The following CD247 variants were observed in gnomAD, a reference collection of about 807,000 sequenced individuals.
CD247 encodes the protein T-cell surface glycoprotein CD3 zeta chain.
Under a neutral mutation model 30.0 loss-of-function variants are expected in CD247, and 13 were observed. That is an observed-to-expected ratio of 0.43 (90% CI 0.28 to 0.69). The LOEUF (loss-of-function observed/expected upper bound fraction) is 0.69, where lower values mean the gene tolerates loss of function less well. Among genes scored for constraint, CD247 ranks in the 30% least tolerant of loss-of-function variants. The pLI is 0.16. For missense variants in CD247, 193 were observed against 212.6 expected (o/e 0.91, Z 0.57); for synonymous variants, 72 against 80.0 (o/e 0.90, Z 0.53).
chr1:167,452,411 CAAAAA>C (rs34079142), intron 1 of CD247, among the ~76,000 whole-genome samples: 1 of 104,668 alleles, frequency 9.6e-6, no homozygotes, highest in African/African-American at 4.1e-5. Context: ...AAGACTCTAT[CAAAAA>C]AAAAAAAAAA....
intron 1 of CD247, among the ~76,000 whole-genome samples, chr1:167,512,215 A>G (rs1017404567): frequency 5.9e-5 from 9 of 152,180 alleles, no homozygotes; most frequent in Admixed American, 2.0e-4. Flanking sequence ...ACGGCCCCCA[A>G]TAAATCTGCA....
intron 1 of CD247, among the ~76,000 whole-genome samples, chr1:167,477,203 C>T (rs1381122237): frequency 2.0e-5 from 3 of 152,160 alleles, no homozygotes; most frequent in Non-Finnish European, 2.9e-5. Context: ...TATCAGGTTA[C>T]TCTCCCTCCT....
intron 1 of CD247, among the ~76,000 whole-genome samples, chr1:167,480,281 ACCGTTT>A (rs1218162824): frequency 5.8e-4 from 89 of 152,284 alleles, no homozygotes; most frequent in African/African-American, 1.9e-3. Context: ...AAAATGGGAA[ACCGTTT>A]AGAAAGTGGA....
In CD247 at chr1:167,489,590, G is replaced by A. The variant is rs149538587; in HGVS notation, c.58+28818C>T. On this transcript the variant is annotated intron_variant, in intron 1 of 7. Transcript: ENST00000362089. ...AAACAGGGTGTCAGAGACATGGGACGCAAACCCAGAGTGACATAGCGCAGG... is the reference window on the plus strand; with the variant it reads ...AAACAGGGTGTCAGAGACATGGGACACAAACCCAGAGTGACATAGCGCAGG... Among the ~76,000 whole-genome samples the A allele has an allele frequency of 7.0e-3, 1,067 of 152,284 alleles. 8 individuals carry two copies. The highest frequency in any genetic ancestry group is 0.024 in the African/African-American group (1,008 of 41,546).
In CD247 at chr1:167,438,634, C is replaced by T. The variant is rs757978223; in HGVS notation, c.236G>A (p.Arg79Gln). Residue 79 changes from arginine to glutamine, a missense_variant, in exon 4 of 8, where the codon CGA (arginine) becomes CAA (glutamine). Transcript: ENST00000362089. ...GTCCAAAACATCGTACTCCTCTCTT[C>T]GTCCTAGATTGAGCTCCTATAACAG... is the stretch of plus-strand genomic sequence containing the variant. ...NQLYNELNLG[R>Q]REEYDVLDKR... 7.4e-6 allele frequency: 12 copies of T among 1,613,946 alleles called. No individual in the cohort carries two copies. Among genetic ancestry groups the T allele is most frequent in the East Asian group, 2.2e-5 (1 of 44,880 alleles).
At chr1:167,452,411 C>CA (rs34079142) in intron 1 of CD247, among the ~76,000 whole-genome samples, 46,441 of 104,404 alleles carry the variant, frequency 0.44, 9,231 homozygotes, top group Admixed American at 0.51. Flanking sequence ...AAGACTCTAT[C>CA]AAAAAAAAAA....
chr1:167,438,760 G>C, intron 3 of CD247, 110 bp from the exon 4 acceptor site: 1 of 851,314 alleles, frequency 1.2e-6, no homozygotes, highest in South Asian at 1.3e-5. Context: ...ATAAAAAGAG[G>C]GGCAGGGGCT....
intron 1 of CD247, among the ~76,000 whole-genome samples, chr1:167,495,378 T>C (rs1329884057): frequency 1.3e-5 from 2 of 151,996 alleles, no homozygotes; most frequent in Non-Finnish European, 1.5e-5. Context: ...ATGACAGAGG[T>C]GGGAGTAGTT....
At chr1:167,476,577 C>A (rs897758120) in intron 1 of CD247, among the ~76,000 whole-genome samples, 1 of 152,162 alleles carries the variant, frequency 6.6e-6, no homozygotes, top group Non-Finnish European at 1.5e-5. Flanking sequence ...AATCCCAGCA[C>A]TTTGGGAGGC....
intron 7 of CD247, 80 bp from the exon 8 acceptor site, chr1:167,431,826 GTC>G (rs1651285650): frequency 4.1e-6 from 5 of 1,205,826 alleles, no homozygotes; most frequent in Non-Finnish European, 5.0e-6. Context: ...GCCAACAGGT[GTC>G]TCTGCAGCAC....
Position 167,440,036 on chromosome 1 carries a change from G to A in CD247, c.162+628C>T, listed in dbSNP as rs373439195. 264 of 165,484 alleles carry A rather than the reference G, an allele frequency of 1.6e-3. 11 individuals carry two copies. In the South Asian group the frequency reaches 0.04, roughly 25 times the overall value. 10.3% of individuals were successfully genotyped at this position (165,484 alleles called of 1,614,324 possible). On this transcript the variant is annotated intron_variant, in intron 2 of 7. Coordinates refer to ENST00000362089, the MANE Select transcript of CD247 (RefSeq NM_198053.3). ...ACAACCTTAGAAATCATCTAGGGCAGCATTTTCAAACTTAAAACAAGAAAC... is the reference window on the plus strand; with the variant it reads ...ACAACCTTAGAAATCATCTAGGGCAACATTTTCAAACTTAAAACAAGAAAC...
chr1:167,468,219 C>A (rs910260417), intron 1 of CD247, among the ~76,000 whole-genome samples: 1 of 151,298 alleles, frequency 6.6e-6, no homozygotes, highest in Non-Finnish European at 1.5e-5. Context: ...TATAAGAAAA[C>A]GTCCCTGTAA....
At chr1:167,499,720 T>C (rs1362310780) in intron 1 of CD247, among the ~76,000 whole-genome samples, 1 of 152,184 alleles carries the variant, frequency 6.6e-6, no homozygotes, top group African/African-American at 2.4e-5. Context: ...CAGATATGCA[T>C]GCACAGCCTG....
Position 167,488,297 on chromosome 1 carries a change from A to C in CD247, c.58+30111T>G, listed in dbSNP as rs542193423. ...AAAAATAATTCAATGATACCTGTTAAAGCACAGTAAGGCAGACTTCATTCA... is the reference window on the plus strand; with the variant it reads ...AAAAATAATTCAATGATACCTGTTACAGCACAGTAAGGCAGACTTCATTCA... On this transcript the variant is annotated intron_variant, in intron 1 of 7. Coordinates refer to ENST00000362089, the MANE Select transcript of CD247 (RefSeq NM_198053.3). Among the ~76,000 whole-genome samples the C allele has an allele frequency of 2.6e-5, 4 of 152,374 alleles. No individual in the cohort carries two copies. The East Asian group carries it at 7.7e-4, about 29-fold the overall frequency.
In CD247 at chr1:167,441,208, A is replaced by AGGTCAAATGAT. The variant is rs1279676501; in HGVS notation, c.59-452_59-442dup. ...TGAGGCCTACCCACAGGGAGACAAT[A>AGGTCAAATGAT]GGTCAAATGATGGTCAAATGAGATC... On this transcript the variant is annotated intron_variant, in intron 1 of 7. Transcript: ENST00000362089. Among the ~76,000 whole-genome samples the AGGTCAAATGAT allele has an allele frequency of 2.6e-5, 4 of 152,220 alleles. No individual in the cohort carries two copies. In the East Asian group the frequency reaches 5.8e-4, roughly 22 times the overall value.
At chr1:167,454,495 C>A (rs116318049) in intron 1 of CD247, among the ~76,000 whole-genome samples, 1,914 of 152,348 alleles carry the variant, frequency 0.013, 38 homozygotes, top group African/African-American at 0.044. Flanking sequence ...GCCCATTTAG[C>A]GAAGCGCTTT....
chr1:167,472,123 T>C (rs1653558881), intron 1 of CD247, among the ~76,000 whole-genome samples: 1 of 152,174 alleles, frequency 6.6e-6, no homozygotes, highest in Admixed American at 6.5e-5. Context: ...CATGAGCCAC[T>C]GTGTCCAGCC....
At chr1:167,468,801 G>A (rs1653378930) in intron 1 of CD247, among the ~76,000 whole-genome samples, 1 of 152,114 alleles carries the variant, frequency 6.6e-6, no homozygotes, top group African/African-American at 2.4e-5. Flanking sequence ...AATCCACAGT[G>A]GCTAAAATTC....
intron 1 of CD247, among the ~76,000 whole-genome samples, chr1:167,443,523 T>C (rs1054468683): frequency 6.6e-6 from 1 of 152,190 alleles, no homozygotes; most frequent in Non-Finnish European, 1.5e-5. Flanking sequence ...TTTATGGGAC[T>C]GGTTGAGACT....
Sources: allele counts gnomAD v4.1 joint callset (sites outside exome capture counted in the v4.1 genomes callset), GRCh38; gene constraint gnomAD v4.1.1; transcripts MANE v1.5; gene names NCBI Gene and HGNC (gene_info 2026-07-23, HGNC 2026-07-21).